The following ERBB4 variants were observed in gnomAD, a reference collection of about 807,000 sequenced individuals.
The protein encoded by ERBB4 is receptor tyrosine-protein kinase erbB-4.
In ERBB4, 42 loss-of-function variants were observed where a neutral mutation model predicts 158.0. That is an observed-to-expected ratio of 0.27 (90% confidence interval 0.21 to 0.34). ERBB4 has a LOEUF of 0.34. Among genes scored for constraint, ERBB4 ranks in the 10% least tolerant of loss-of-function variants. ERBB4 has a pLI of 1.00. For missense variants in ERBB4, 1,333 were observed against 1,624.1 expected, an observed-to-expected ratio of 0.82 and a Z score of 3.08; for synonymous variants, 583 against 558.7, an observed-to-expected ratio of 1.04 and a Z score of -0.61.
intron 20 of ERBB4, among the ~76,000 whole-genome samples, chr2:211,548,519 G>A (rs542307225): frequency 6.6e-6 from 1 of 152,210 alleles, no homozygotes; most frequent in Non-Finnish European, 1.5e-5. Flanking sequence ...CACTGTAGTA[G>A]TTATAGAACC....
intron 2 of ERBB4, among the ~76,000 whole-genome samples, chr2:212,058,654 G>A (rs770487895): frequency 2.6e-5 from 4 of 152,068 alleles, no homozygotes; most frequent in Non-Finnish European, 4.4e-5. Context: ...ATCAATCAAC[G>A]TAATACAGCA....
chr2:211,624,850 G>A (rs2069775863), intron 17 of ERBB4, among the ~76,000 whole-genome samples: 1 of 152,114 alleles, frequency 6.6e-6, no homozygotes, highest in Non-Finnish European at 1.5e-5. Context: ...CAAGAGGGAG[G>A]AGGAGGAAGA....
At chr2:211,440,825 T>C (rs2063957227) in intron 20 of ERBB4, among the ~76,000 whole-genome samples, 3 of 152,202 alleles carry the variant, frequency 2.0e-5, no homozygotes, top group Admixed American at 1.3e-4. Context: ...GTGAAACTCC[T>C]AGAGCACTAA....
chr2:211,386,805 T>G (rs2062693285), intron 27 of ERBB4, 48 bp downstream of exon 27: 6 of 1,588,216 alleles, frequency 3.8e-6, no homozygotes, highest in Non-Finnish European at 3.5e-6. Context: ...TTTATCTTGA[T>G]GGAAGTGAAC....
intron 1 of ERBB4, among the ~76,000 whole-genome samples, chr2:212,135,870 C>G (rs973720393): frequency 6.6e-6 from 1 of 152,230 alleles, no homozygotes; most frequent in South Asian, 2.1e-4. Context: ...AATTAGTCAT[C>G]TGCCATCTGC....
chr2:211,845,145 A>C (rs527657669), intron 3 of ERBB4, among the ~76,000 whole-genome samples: 3 of 152,170 alleles, frequency 2.0e-5, no homozygotes, highest in Admixed American at 6.6e-5. Flanking sequence ...GTTTCCCCAA[A>C]GCTCCTGCAG....
chr2:211,553,684 C>A (rs1219767066), intron 20 of ERBB4, among the ~76,000 whole-genome samples: 1 of 152,160 alleles, frequency 6.6e-6, no homozygotes, highest in Admixed American at 6.5e-5. Context: ...ATAGGTAGCA[C>A]TGTTATCCCC....
At chr2:211,453,416 C>A (rs370570505) in intron 20 of ERBB4, among the ~76,000 whole-genome samples, 4 of 151,944 alleles carry the variant, frequency 2.6e-5, no homozygotes, top group East Asian at 3.9e-4. Context: ...TGCTTAAAAC[C>A]CCGCTTTAAA....
In ERBB4 at chr2:211,657,788, A is replaced by G. The variant is rs770867168; in HGVS notation, c.1912T>C (p.Trp638Arg). 1 of 1,614,082 alleles carries G rather than the reference A, an allele frequency of 6.2e-7. No homozygotes were observed. The highest frequency in any genetic ancestry group is 8.5e-7 in the Non-Finnish European group (1 of 1,179,942). ...TGTGGTAAAGTGGAATGGCCCGTCC[A>G]TGGGTAGTAAATGCAGTCATGACTA... ...PTSHDCIYYP[W>R]TGHSTLPQHA... The change falls in exon 16 of 28, where the codon TGG (tryptophan) becomes CGG (arginine). Residue 638 changes from tryptophan to arginine, a missense_variant. Trp to Arg is a moderately radical substitution (Grantham distance 101). Coordinates refer to ENST00000342788, the MANE Select transcript of ERBB4 (RefSeq NM_005235.3).
At chr2:212,167,317 G>A (rs768761323) in intron 1 of ERBB4, among the ~76,000 whole-genome samples, 7 of 151,924 alleles carry the variant, frequency 4.6e-5, no homozygotes, top group Non-Finnish European at 7.4e-5. Flanking sequence ...ATATTTACGT[G>A]GCCAACAAAC....
chr2:212,127,203 A>G (rs1258622102), intron 1 of ERBB4, among the ~76,000 whole-genome samples: 5 of 152,212 alleles, frequency 3.3e-5, no homozygotes, highest in Admixed American at 2.6e-4. Context: ...TATAATGATA[A>G]TAAGACAAAC....
chr2:211,847,845 G>A (rs186448481), intron 3 of ERBB4, among the ~76,000 whole-genome samples: 9 of 152,126 alleles, frequency 5.9e-5, no homozygotes, highest in East Asian at 3.9e-4. Flanking sequence ...TCATAATAGC[G>A]TGATGCCATT....
chr2:211,514,145 C>T (rs1488898764), intron 20 of ERBB4, among the ~76,000 whole-genome samples: 1 of 152,072 alleles, frequency 6.6e-6, no homozygotes, highest in East Asian at 1.9e-4. Context: ...TCTACTCTTC[C>T]CTTTCTCTGG....
chr2:212,474,822 C>CCTTTTTTTTTTTTTTTTT (rs1689295723), intron 1 of ERBB4, among the ~76,000 whole-genome samples: 1 of 94,412 alleles, frequency 1.1e-5, no homozygotes, highest in African/African-American at 6.1e-5. Context: ...CCCGGCCATT[C>CCTTTTTTTTTTTTTTTTT]TTTTTTTTTT....
chr2:211,787,990 C>T (rs774960933), intron 4 of ERBB4, 35 bp downstream of exon 4: 1 of 1,604,646 alleles, frequency 6.2e-7, no homozygotes, highest in Admixed American at 1.7e-5. Context: ...TAGGGTAGAA[C>T]ATTTTGAGAA....
chr2:212,333,638 G>A (rs374066808), intron 1 of ERBB4, among the ~76,000 whole-genome samples: 2 of 151,216 alleles, frequency 1.3e-5, no homozygotes, highest in African/African-American at 4.9e-5. Flanking sequence ...AGGCTCCAGC[G>A]AGCCATGATC....
At chr2:212,279,647 T>C (rs2085678094) in intron 1 of ERBB4, among the ~76,000 whole-genome samples, 1 of 151,640 alleles carries the variant, frequency 6.6e-6, no homozygotes, top group South Asian at 2.1e-4. Context: ...GCTTTTTTAA[T>C]TAATCAAAAG....
At chr2:212,445,449 T>C (rs144966437) in intron 1 of ERBB4, among the ~76,000 whole-genome samples, 1,800 of 152,188 alleles carry the variant, frequency 0.012, 33 homozygotes, top group African/African-American at 0.041. Flanking sequence ...GACACAACAA[T>C]GATTCAATTA....
intron 9 of ERBB4, among the ~76,000 whole-genome samples, chr2:211,708,469 T>C (rs1223211235): frequency 6.6e-6 from 1 of 152,166 alleles, no homozygotes; most frequent in Non-Finnish European, 1.5e-5. Context: ...TATAAGACTA[T>C]AATCAAGTCT....
Sources: gnomAD v4.1 joint callset for allele counts (sites outside exome capture counted in the v4.1 genomes callset) on GRCh38, gnomAD v4.1.1 for gene constraint, MANE v1.5 for transcripts, NCBI Gene and HGNC (gene_info 2026-07-23, HGNC 2026-07-21) for gene names.